Variants in KIF27 observed in about 807,000 individuals in gnomAD.
KIF27 encodes kinesin family member 27, also known as kinesin-like protein KIF27.
In KIF27, 84 loss-of-function variants were observed where a neutral mutation model predicts 141.8. The ratio of observed to expected loss-of-function variants is 0.59; its 90% CI spans 0.50 to 0.71. The LOEUF (loss-of-function observed/expected upper bound fraction) is 0.71, where lower values mean the gene tolerates loss of function less well. Among genes scored for constraint, KIF27 ranks in the 30% least tolerant of loss-of-function variants. KIF27 has a pLI of 0.00. For missense variants in KIF27, 1,306 were observed against 1,628.4 expected (o/e 0.80, Z 3.41); for synonymous variants, 471 against 569.5 (o/e 0.83, Z 2.46).
At chr9:83,895,244 AC>A (rs1953078165) in intron 5 of KIF27, among the ~76,000 whole-genome samples, 14 of 150,426 alleles carry the variant, frequency 9.3e-5, no homozygotes, top group Non-Finnish European at 2.1e-4. Flanking sequence ...CCTGGGTGAC[AC>A]AGTGAGACTC....
chr9:83,861,393 T>C (rs1484465162), intron 13 of KIF27, among the ~76,000 whole-genome samples: 3 of 149,916 alleles, frequency 2.0e-5, no homozygotes, highest in Admixed American at 2.0e-4. Context: ...AGTGTTCTCA[T>C]TGTTCAATTC....
At chr9:83,851,711 TCAGA>T (rs570824637) in intron 15 of KIF27, among the ~76,000 whole-genome samples, 54 of 151,994 alleles carry the variant, frequency 3.6e-4, no homozygotes, top group Non-Finnish European at 6.6e-4. Flanking sequence ...TAAAAATACT[TCAGA>T]CAATGTCTAT....
chr9:83,886,698 G>A (rs1486500020), intron 9 of KIF27, among the ~76,000 whole-genome samples: 3 of 152,158 alleles, frequency 2.0e-5, no homozygotes, highest in African/African-American at 4.8e-5. Flanking sequence ...CAAGGCTGCA[G>A]TGAGTCATGA....
intron 2 of KIF27, 28 bp downstream of exon 2, chr9:83,915,266 T>C (rs1955575789): frequency 1.3e-6 from 2 of 1,550,408 alleles, no homozygotes; most frequent in Non-Finnish European, 1.7e-6. Context: ...GCGTCACAAA[T>C]AAAAGTCAAA....
At chr9:83,904,614 A>C (rs1954302183) in intron 3 of KIF27, among the ~76,000 whole-genome samples, 1 of 152,142 alleles carries the variant, frequency 6.6e-6, no homozygotes, top group African/African-American at 2.4e-5. Flanking sequence ...CAGGTGATCC[A>C]CCTGCCTTGG....
At chr9:83,883,214 T>C (rs1282023240) in intron 10 of KIF27, among the ~76,000 whole-genome samples, 2 of 152,136 alleles carry the variant, frequency 1.3e-5, no homozygotes, top group South Asian at 2.1e-4. Flanking sequence ...TCCTAGAAAG[T>C]TCATTATGAT....
At chr9:83,845,552 G>A (rs1213533523) in intron 16 of KIF27, among the ~76,000 whole-genome samples, 1 of 152,178 alleles carries the variant, frequency 6.6e-6, no homozygotes, top group Non-Finnish European at 1.5e-5. Context: ...GAAGACTAGG[G>A]CCTGGTTCAC....
At chr9:83,879,580 C>T (rs1022310491) in intron 11 of KIF27, among the ~76,000 whole-genome samples, 3 of 152,010 alleles carry the variant, frequency 2.0e-5, no homozygotes, top group African/African-American at 7.2e-5. Context: ...CAGAGCCTGG[C>T]ACATAGTACT....
chr9:83,850,817 T>C (rs1948475367), intron 15 of KIF27, among the ~76,000 whole-genome samples: 1 of 148,534 alleles, frequency 6.7e-6, no homozygotes, highest in Non-Finnish European at 1.5e-5. Context: ...GAATTCTGAA[T>C]TGATGACATT....
intron 7 of KIF27, 53 bp downstream of exon 7, chr9:83,889,031 T>C (rs1358917912): frequency 6.5e-7 from 1 of 1,545,804 alleles, no homozygotes; most frequent in African/African-American, 1.4e-5. Context: ...CTTCTATATT[T>C]ATTGCAGCAT....
At position 83,880,383 on chromosome 9, in the gene KIF27, T is replaced by C. The variant is rs1951575821; in HGVS notation, c.2557A>G (p.Ile853Val). ...QSVDHMKYQKIQLQRKLREEN... is the reference protein window; with the variant it reads ...QSVDHMKYQKVQLQRKLREEN... ...TCTCGTAGTTTTCTTTGTAGCTGTATCTTTTGATATTTCATGTGATCTACA... is the reference window on the plus strand; with the variant it reads ...TCTCGTAGTTTTCTTTGTAGCTGTACCTTTTGATATTTCATGTGATCTACA... The change falls in exon 11 of 18, where the codon ATA (isoleucine) becomes GTA (valine). Residue 853 changes from isoleucine (I) to valine (V), a missense_variant. By Grantham distance (29) the Ile-to-Val change is conservative (BLOSUM62 3). This residue lies in a region of KIF27 where 596 missense variants were observed against 751.6 expected (regional missense o/e 0.79). Coordinates refer to ENST00000297814, the MANE Select transcript of KIF27 (RefSeq NM_017576.4). The C allele has an allele frequency of 1.6e-5, 26 of 1,611,866 alleles. No homozygotes were observed. Among genetic ancestry groups the C allele is most frequent in the Non-Finnish European group, 2.0e-5 (24 of 1,179,114 alleles).
intron 11 of KIF27, among the ~76,000 whole-genome samples, chr9:83,879,924 T>C (rs1257112114): frequency 2.6e-5 from 4 of 152,224 alleles, no homozygotes; most frequent in Admixed American, 1.3e-4. Context: ...ACTTTTTCTG[T>C]GTAGCCACAT....
intron 14 of KIF27, among the ~76,000 whole-genome samples, chr9:83,856,976 A>G (rs1949292579): frequency 2.0e-5 from 3 of 151,726 alleles, no homozygotes; most frequent in South Asian, 2.1e-4. Flanking sequence ...TTAGATAAAC[A>G]TAATAGTTCT....
intron 16 of KIF27, among the ~76,000 whole-genome samples, chr9:83,844,825 A>G (rs1947046942): frequency 6.6e-6 from 1 of 152,180 alleles, no homozygotes; most frequent in Non-Finnish European, 1.5e-5. Context: ...TATTCCTTCT[A>G]AGGTGAAGGA....
intron 15 of KIF27, 63 bp downstream of exon 15, chr9:83,853,566 T>A (rs1028371114): frequency 6.5e-6 from 7 of 1,079,314 alleles, no homozygotes; most frequent in Non-Finnish European, 9.7e-6. Context: ...TCAAAATAAA[T>A]ATAGGATGTA....
chr9:83,862,672 C>G (rs1474488257), intron 13 of KIF27, among the ~76,000 whole-genome samples: 1 of 151,998 alleles, frequency 6.6e-6, no homozygotes, highest in African/African-American at 2.4e-5. Flanking sequence ...TTTTTTGGTT[C>G]CATATGAACT....
At chr9:83,856,806 A>T (rs1564309969) in intron 14 of KIF27, among the ~76,000 whole-genome samples, 1 of 149,004 alleles carries the variant, frequency 6.7e-6, no homozygotes, top group African/African-American at 2.5e-5. Context: ...GCTACTGGGG[A>T]GGCTGAGGCA....
chr9:83,903,115 T>C lies in KIF27; in HGVS notation c.1403A>G (p.Glu468Gly). The C allele has an allele frequency of 6.2e-7, 1 of 1,614,218 alleles. No individual in the cohort carries two copies. Among genetic ancestry groups the C allele is most frequent in the Non-Finnish European group, 8.5e-7 (1 of 1,180,034 alleles). Reference protein sequence around the residue: ...RGIGGTASLEEGPQHVTVLQL... With the variant: ...RGIGGTASLEGGPQHVTVLQL... ...GAGAACTGTAACATGCTGTGGTCCT[T>C]CTTCCAGACTTGCAGTGCCTCCGAT... The change falls in exon 4 of 18, where the codon GAA (glutamate) becomes GGA (glycine). Residue 468 changes from glutamate to glycine, a missense_variant. By Grantham distance (98) the Glu-to-Gly change is moderately conservative. Around this residue, in one of 4 missense-constraint regions of KIF27, gnomAD observed 533 missense variants for 565.6 expected, o/e 0.94. Transcript: ENST00000297814.
chr9:83,872,524 T>C (rs566632285), intron 11 of KIF27, among the ~76,000 whole-genome samples: 20 of 152,322 alleles, frequency 1.3e-4, no homozygotes, highest in Admixed American at 3.3e-4. Context: ...GACAGAATAA[T>C]TTTATGTCTG....
Sources: gnomAD v4.1 joint callset for allele counts (sites outside exome capture counted in the v4.1 genomes callset) on GRCh38, gnomAD v4.1.1 for gene constraint, gnomAD v4.1.1 regional missense constraint, MANE v1.5 for transcripts, NCBI Gene and HGNC (gene_info 2026-07-23, HGNC 2026-07-21) for gene names.